Variants in RABGAP1L observed in about 807,000 individuals in gnomAD.
RABGAP1L encodes RAB GTPase activating protein 1 like, also known as rab GTPase-activating protein 1-like.
RABGAP1L carries 63 observed loss-of-function variants against 137.7 expected under a neutral mutation model. That is an observed-to-expected ratio of 0.46 (90% CI 0.37 to 0.56). The LOEUF (loss-of-function observed/expected upper bound fraction) is 0.56. RABGAP1L is among the 20% of genes least tolerant of loss of function. The pLI is 0.00. For missense variants in RABGAP1L, 1,095 were observed against 1,244.0 expected (o/e 0.88, Z 1.80); for synonymous variants, 431 against 433.7 (o/e 0.99, Z 0.08).
At chr1:174,961,963 C>G (rs1669155669) in intron 20 of RABGAP1L, among the ~76,000 whole-genome samples, 1 of 151,700 alleles carries the variant, frequency 6.6e-6, no homozygotes, top group African/African-American at 2.4e-5. Flanking sequence ...CGAGACCATC[C>G]TGGCTAACAT....
At chr1:174,827,483 G>A (rs1691698455) in intron 19 of RABGAP1L, among the ~76,000 whole-genome samples, 1 of 149,358 alleles carries the variant, frequency 6.7e-6, no homozygotes. Context: ...CCCCATAACA[G>A]TGTTGTTCTC....
At chr1:174,626,980 T>C (rs1469101059) in intron 13 of RABGAP1L, among the ~76,000 whole-genome samples, 1 of 152,206 alleles carries the variant, frequency 6.6e-6, no homozygotes, top group Non-Finnish European at 1.5e-5. Context: ...CAGCTTTGAA[T>C]TATTTATCTG....
At chr1:174,545,512 C>T (rs903857242) in intron 13 of RABGAP1L, 1 of 150,772 alleles carries the variant, frequency 6.6e-6, no homozygotes, top group Non-Finnish European at 1.5e-5. Flanking sequence ...CATGGCTTCC[C>T]TTGGCTAGGA....
intron 13 of RABGAP1L, among the ~76,000 whole-genome samples, chr1:174,432,539 C>CT: frequency 6.6e-6 from 1 of 152,038 alleles, no homozygotes; most frequent in Non-Finnish European, 1.5e-5. Flanking sequence ...CTTTTCTTTT[C>CT]TTTCTTTTTT....
intron 13 of RABGAP1L, among the ~76,000 whole-genome samples, chr1:174,409,812 C>A (rs1319270508): frequency 6.6e-6 from 1 of 152,120 alleles, no homozygotes; most frequent in East Asian, 1.9e-4. Flanking sequence ...GATTGGGAAA[C>A]CCCACCCTGG....
Position 174,485,940 on chromosome 1 carries a change from A to G in RABGAP1L, c.1710+91795A>G, listed in dbSNP as rs111479555. Among the ~76,000 whole-genome samples, 634 of 152,266 alleles carry G rather than the reference A, an allele frequency of 4.2e-3. 8 individuals carry two copies. Among genetic ancestry groups the G allele is most frequent in the African/African-American group, 4.8e-3 (200 of 41,546 alleles). On this transcript the variant is annotated intron_variant, in intron 13 of 25. Transcript: ENST00000681986. ...ATTATTTCTTCTTTAAATGTTTGGTAGAAATCAGCAGCGAAGCCATCAGGT... is the reference window on the plus strand; with the variant it reads ...ATTATTTCTTCTTTAAATGTTTGGTGGAAATCAGCAGCGAAGCCATCAGGT...
chr1:174,233,125 G>T (rs904180002), intron 4 of RABGAP1L, among the ~76,000 whole-genome samples: 1 of 152,048 alleles, frequency 6.6e-6, no homozygotes, highest in African/African-American at 2.4e-5. Flanking sequence ...CTTTTATAAG[G>T]ATACTACTCT....
intron 4 of RABGAP1L, among the ~76,000 whole-genome samples, chr1:174,233,219 T>A (rs890207151): frequency 6.6e-6 from 1 of 152,140 alleles, no homozygotes; most frequent in African/African-American, 2.4e-5. Context: ...CAAAAGAAGA[T>A]GCAGATTTGT....
At chr1:174,870,896 C>T (rs918751426) in intron 19 of RABGAP1L, among the ~76,000 whole-genome samples, 10 of 151,992 alleles carry the variant, frequency 6.6e-5, no homozygotes, top group Non-Finnish European at 1.3e-4. Context: ...TGCCACAACA[C>T]CCGGCTAATT....
intron 19 of RABGAP1L, among the ~76,000 whole-genome samples, chr1:174,946,726 C>G (rs1411958518): frequency 6.6e-6 from 1 of 151,162 alleles, no homozygotes. Context: ...CATGGTAAAA[C>G]CCCATCTCTA....
intron 19 of RABGAP1L, among the ~76,000 whole-genome samples, chr1:174,818,175 G>A (rs1468080537): frequency 6.6e-6 from 1 of 152,176 alleles, no homozygotes; most frequent in Non-Finnish European, 1.5e-5. Flanking sequence ...TTATAGCGGA[G>A]TATATACAAT....
intron 14 of RABGAP1L, among the ~76,000 whole-genome samples, chr1:174,644,692 G>C (rs1557943769): frequency 6.6e-6 from 1 of 151,984 alleles, no homozygotes; most frequent in African/African-American, 2.4e-5. Flanking sequence ...ACAAAAACTT[G>C]TAGTTGTTCT....
intron 13 of RABGAP1L, among the ~76,000 whole-genome samples, chr1:174,574,152 T>A (rs1313370344): frequency 1.3e-5 from 2 of 152,242 alleles, no homozygotes; most frequent in Admixed American, 6.5e-5. Context: ...TGCTTTTCTT[T>A]ACAATTATTC....
intron 13 of RABGAP1L, among the ~76,000 whole-genome samples, chr1:174,627,454 A>G (rs1396896865): frequency 6.6e-6 from 1 of 152,234 alleles, no homozygotes; most frequent in African/African-American, 2.4e-5. Context: ...ATGTCAGTGT[A>G]TATACGTTAT....
At chr1:174,526,939 A>C (rs1257468857) in intron 13 of RABGAP1L, among the ~76,000 whole-genome samples, 2 of 151,896 alleles carry the variant, frequency 1.3e-5, no homozygotes, top group Non-Finnish European at 2.9e-5. Context: ...GAATCTTTTT[A>C]CTTTTTAAAT....
At chr1:174,430,599 A>G (rs999414100) in intron 13 of RABGAP1L, among the ~76,000 whole-genome samples, 3 of 152,228 alleles carry the variant, frequency 2.0e-5, no homozygotes, top group African/African-American at 7.2e-5. Context: ...GACTGGAAGT[A>G]TGAAAGCAAG....
intron 18 of RABGAP1L, among the ~76,000 whole-genome samples, chr1:174,782,240 A>C (rs903088011): frequency 5.9e-5 from 9 of 152,010 alleles, no homozygotes; most frequent in Admixed American, 2.0e-4. Flanking sequence ...CTTTTATTTC[A>C]TTGAGCAGTG....
chr1:174,433,634 A>T (rs953216619), intron 13 of RABGAP1L, among the ~76,000 whole-genome samples: 2 of 152,152 alleles, frequency 1.3e-5, no homozygotes, highest in Non-Finnish European at 2.9e-5. Context: ...TGTCTTGAGT[A>T]CAAACACTGA....
intron 13 of RABGAP1L, among the ~76,000 whole-genome samples, chr1:174,455,676 A>C (rs1655963651): frequency 1.3e-5 from 2 of 152,134 alleles, no homozygotes; most frequent in African/African-American, 4.8e-5. Flanking sequence ...TAACATCTTC[A>C]CAATTATTCA....
Sources: allele counts gnomAD v4.1 joint callset (sites outside exome capture counted in the v4.1 genomes callset), GRCh38; gene constraint gnomAD v4.1.1; transcripts MANE v1.5; gene names NCBI Gene and HGNC (gene_info 2026-07-23, HGNC 2026-07-21).